WFDC10B: variants seen among roughly 807,000 people sequenced by gnomAD.
WFDC10B encodes the protein WAP four-disulfide core domain 10B, also known as protein WFDC10B.
Under a neutral mutation model 2.7 loss-of-function variants are expected in WFDC10B, and 1 was observed. That is an observed-to-expected ratio of 0.38 (90% CI 0.13 to 1.79). The LOEUF is 1.79. Among genes scored for constraint, WFDC10B ranks in the 40% most tolerant of loss-of-function variants. WFDC10B has a pLI of 0.33. For missense variants in WFDC10B, 71 were observed against 87.8 expected, an observed-to-expected ratio of 0.81 and a Z score of 0.76; for synonymous variants, 26 against 32.2, an observed-to-expected ratio of 0.81 and a Z score of 0.65.
intron 2 of WFDC10B, among the ~76,000 whole-genome samples, chr20:45,686,560 G>A (rs1479750478): frequency 6.6e-6 from 1 of 151,952 alleles, no homozygotes; most frequent in African/African-American, 2.4e-5. Context: ...GGTGAACGTA[G>A]CTACAGATAG....
chr20:45,685,100 C>T, intron 3 of WFDC10B, 140 bp from the exon 4 acceptor site: 1 of 1,031,984 alleles, frequency 9.7e-7, no homozygotes, highest in Non-Finnish European at 1.4e-6. Context: ...AACTTCCTTC[C>T]AGCCCATCAC....
intron 2 of WFDC10B, among the ~76,000 whole-genome samples, chr20:45,689,979 T>G (rs1983754172): frequency 6.6e-6 from 1 of 151,826 alleles, no homozygotes; most frequent in Non-Finnish European, 1.5e-5. Flanking sequence ...GCTGTGGGTT[T>G]GTCATAGATA....
At chr20:45,691,747 G>T (rs1045033607) in intron 2 of WFDC10B, among the ~76,000 whole-genome samples, 12 of 152,048 alleles carry the variant, frequency 7.9e-5, no homozygotes, top group Admixed American at 2.6e-4. Flanking sequence ...ATGTGAGATG[G>T]GTGTCCTGAA....
chr20:45,691,224 T>C (rs1253826922), intron 2 of WFDC10B, among the ~76,000 whole-genome samples: 1 of 152,222 alleles, frequency 6.6e-6, no homozygotes, highest in Non-Finnish European at 1.5e-5. Flanking sequence ...TTTCTGTTCT[T>C]TTACATTTGC....
chr20:45,698,321 C>G (rs1214291955), intron 2 of WFDC10B, among the ~76,000 whole-genome samples: 1 of 152,004 alleles, frequency 6.6e-6, no homozygotes, highest in African/African-American at 2.4e-5. Context: ...AATATAAAAG[C>G]TACAGAATTC....
intron 2 of WFDC10B, among the ~76,000 whole-genome samples, chr20:45,701,279 T>C (rs181882945): frequency 6.0e-4 from 92 of 152,170 alleles, no homozygotes; most frequent in African/African-American, 2.2e-3. Flanking sequence ...GAAAGAAAAG[T>C]AAACGCCTAT....
chr20:45,695,875 G>C (rs1983960357), intron 2 of WFDC10B, among the ~76,000 whole-genome samples: 1 of 151,004 alleles, frequency 6.6e-6, no homozygotes, highest in Admixed American at 6.6e-5. Context: ...CAACTACTTA[G>C]AAAAAAAACT....
chr20:45,689,212 G>C (rs1325201688), intron 2 of WFDC10B, among the ~76,000 whole-genome samples: 6 of 151,132 alleles, frequency 4.0e-5, no homozygotes, highest in South Asian at 4.2e-4. Flanking sequence ...CTCTGTTTTG[G>C]TACCAGTACC....
At position 45,684,808 on chromosome 20, in the gene WFDC10B, A is replaced by T. The variant is rs781404034; in HGVS notation, c.*22T>A. 6.2e-7 allele frequency: 1 copy of T among 1,612,124 alleles called. No individual in the cohort carries two copies. The highest frequency in any genetic ancestry group is 1.1e-5 in the South Asian group (1 of 90,830). ...TGGAAGGGTTCAGGGAGCAGGATGC[A>T]CATCCCAGCCCACTCTCCCACTCAT... On this transcript the variant is annotated 3_prime_UTR_variant, in exon 4 of 4. Transcript: ENST00000330523.
In WFDC10B at chr20:45,685,204, C is replaced by T. The variant is rs1268212179; in HGVS notation, c.92-244G>A. ...ATGCCTGGGCTTCCTGGACTCTCGC[C>T]ATACACCTGCATTCAGAACTCTGTC... On this transcript the variant is annotated intron_variant, in intron 3 of 3. Transcript: ENST00000330523. 2.6e-5 allele frequency among the ~76,000 whole-genome samples: 4 copies of T among 152,114 alleles called. No homozygotes were observed. The East Asian group carries it at 7.7e-4, about 29-fold the overall frequency.
intron 2 of WFDC10B, among the ~76,000 whole-genome samples, chr20:45,698,361 G>A (rs2145641055): frequency 6.6e-6 from 1 of 152,202 alleles, no homozygotes; most frequent in East Asian, 1.9e-4. Context: ...AAATCTTCAT[G>A]ACTATGGATT....
chr20:45,703,177 C>G (rs1984238455), intron 2 of WFDC10B, among the ~76,000 whole-genome samples: 2 of 152,184 alleles, frequency 1.3e-5, no homozygotes, highest in Non-Finnish European at 2.9e-5. Context: ...AGGGTGACCT[C>G]TCTGAGATCT....
At chr20:45,687,731 G>A (rs747612900) in intron 2 of WFDC10B, among the ~76,000 whole-genome samples, 1 of 151,898 alleles carries the variant, frequency 6.6e-6, no homozygotes, top group Non-Finnish European at 1.5e-5. Flanking sequence ...GTATCTCATC[G>A]TGGTTTTGAT....
Position 45,704,980 on chromosome 20 carries a change from A to G in WFDC10B, c.-192T>C. ...CTACACTTTTGCTTGCCCTCCTTTCACAAGACACCATCCTTTGGCCACCAG... is the reference window on the plus strand; with the variant it reads ...CTACACTTTTGCTTGCCCTCCTTTCGCAAGACACCATCCTTTGGCCACCAG... On this transcript the variant is annotated 5_prime_UTR_variant, in exon 1 of 4. Transcript: ENST00000330523. 1.9e-6 allele frequency: 3 copies of G among 1,613,990 alleles called. No homozygotes were observed. The highest frequency in any genetic ancestry group is 3.3e-4 in the Middle Eastern group (2 of 6,058).
intron 2 of WFDC10B, among the ~76,000 whole-genome samples, chr20:45,694,415 A>G (rs1323567833): frequency 6.6e-6 from 1 of 152,244 alleles, no homozygotes. Flanking sequence ...CATTGTGTCA[A>G]ATATTGTTAA....
intron 2 of WFDC10B, among the ~76,000 whole-genome samples, chr20:45,702,607 C>T (rs1356779778): frequency 1.3e-5 from 2 of 152,132 alleles, no homozygotes; most frequent in Non-Finnish European, 2.9e-5. Context: ...AGAGAGACAA[C>T]GAAGTTGGTA....
Position 45,684,741 on chromosome 20 carries a change from G to A in WFDC10B, c.*89C>T, listed in dbSNP as rs1983548412. ...TTCCTGTTGATGTTCTTGTGCTGAT[G>A]ATTTGATGTCCTTGTGCTTCGGATG... On this transcript the variant is annotated 3_prime_UTR_variant, in exon 4 of 4. Coordinates refer to ENST00000330523, the MANE Select transcript of WFDC10B (RefSeq NM_172006.2). 3 of 1,538,936 alleles carry A rather than the reference G, an allele frequency of 1.9e-6. No homozygotes were observed. The highest frequency in any genetic ancestry group is 2.6e-6 in the Non-Finnish European group (3 of 1,132,894).
intron 2 of WFDC10B, among the ~76,000 whole-genome samples, chr20:45,689,605 T>A (rs1983741334): frequency 1.3e-5 from 2 of 152,230 alleles, no homozygotes; most frequent in Admixed American, 1.3e-4. Context: ...TTGAAGCAAA[T>A]GTGAATGGGA....
intron 1 of WFDC10B, 125 bp from the exon 2 acceptor site, chr20:45,704,686 CCTTT>C (rs1380031466): frequency 2.1e-5 from 31 of 1,463,052 alleles, no homozygotes; most frequent in Middle Eastern, 1.9e-4. Flanking sequence ...CTGGATCTCT[CCTTT>C]TTTTTTTTTT....
Sources: allele counts gnomAD v4.1 joint callset (sites outside exome capture counted in the v4.1 genomes callset), GRCh38; gene constraint gnomAD v4.1.1; transcripts MANE v1.5; gene names NCBI Gene and HGNC (gene_info 2026-07-23, HGNC 2026-07-21).